DPM2: variants seen among roughly 807,000 people sequenced by gnomAD.
DPM2 encodes the protein dolichyl-phosphate mannosyltransferase subunit 2, regulatory.
Under a neutral mutation model 12.1 loss-of-function variants are expected in DPM2, and 8 were observed. The ratio of observed to expected loss-of-function variants is 0.66; its 90% CI spans 0.39 to 1.19. DPM2 has a LOEUF of 1.19. Among genes scored for constraint, DPM2 ranks in the 50% most tolerant of loss-of-function variants. The pLI is 0.01. For synonymous variants in DPM2, 38 were observed against 44.7 expected, an observed-to-expected ratio of 0.85 and a Z score of 0.60; for missense variants, 93 against 102.5, an observed-to-expected ratio of 0.91 and a Z score of 0.40.
At position 127,935,335 on chromosome 9, in the gene DPM2, C is replaced by T; in HGVS notation, c.*387G>A. The T allele has an allele frequency of 3.4e-6, 1 of 298,354 alleles. No individual in the cohort carries two copies. The highest frequency in any genetic ancestry group is 6.5e-6 in the Non-Finnish European group (1 of 153,168). 18.5% of individuals were successfully genotyped at this position (298,354 alleles called of 1,614,324 possible). On this transcript the variant is annotated 3_prime_UTR_variant, in exon 4 of 4. Coordinates refer to ENST00000314392, the MANE Select transcript of DPM2 (RefSeq NM_003863.4). ...GCTGCCTTGGTGGAGGAAGAGAAGTCAGAGAGGTCACACATGTGGCCTTAG... is the reference window on the plus strand; with the variant it reads ...GCTGCCTTGGTGGAGGAAGAGAAGTTAGAGAGGTCACACATGTGGCCTTAG...
At position 127,935,506 on chromosome 9, in the gene DPM2, A is replaced by G; in HGVS notation, c.*216T>C. The G allele has an allele frequency of 1.7e-6, 1 of 601,790 alleles. No individual in the cohort carries two copies. Among genetic ancestry groups the G allele is most frequent in the East Asian group, 2.8e-5 (1 of 35,820 alleles). 37.3% of individuals were successfully genotyped at this position (601,790 alleles called of 1,614,324 possible). A position where few individuals can be genotyped will look rare whatever the true frequency, so the allele number is the denominator to read the frequency against. ...CCCTGAGCAAGAAGGAGGTGACCGG[A>G]GTCTTCCAGGTATCCCTCCCTCCTA... On this transcript the variant is annotated 3_prime_UTR_variant, in exon 4 of 4. Transcript: ENST00000314392.
At position 127,937,461 on chromosome 9, in the gene DPM2, G is replaced by T. The variant is rs532790675; in HGVS notation, c.66C>A (p.Thr22=). The T allele has an allele frequency of 8.8e-5, 142 of 1,613,856 alleles. 2 individuals carry two copies. In the South Asian group the frequency reaches 1.5e-3, roughly 17 times the overall value. ...AGAGAATCACCCAGGCGGTGTAGTAGGTGAAGATGATCAGGCTAACGGCGA... is the reference window on the plus strand; with the variant it reads ...AGAGAATCACCCAGGCGGTGTAGTATGTGAAGATGATCAGGCTAACGGCGA... ...GLVAVSLIIF[T]YYTAWVILLP... is the part of the protein sequence containing the mutation. The change falls in exon 2 of 4, where the codon ACC becomes ACA. Residue 22 remains threonine, a synonymous_variant. Coordinates refer to ENST00000314392, the MANE Select transcript of DPM2 (RefSeq NM_003863.4).
chr9:127,937,483 G>A lies in DPM2; in HGVS notation c.44C>T (p.Ala15Val). ...GTAGGTGAAGATGATCAGGCTAACG[G>A]CGACGAGGCCGAGTCCCACCACCTG... The part of the protein sequence containing the change: ...TDQVVGLGLV[A>V]VSLIIFTYYT... The change falls in exon 2 of 4, where the codon GCC becomes GTC. Residue 15 changes from alanine to valine, a missense_variant. Ala to Val is a moderately conservative substitution (Grantham distance 64). Coordinates refer to ENST00000314392, the MANE Select transcript of DPM2 (RefSeq NM_003863.4). 1 of 1,614,068 alleles carries A rather than the reference G, an allele frequency of 6.2e-7. No individual in the cohort carries two copies.
At chr9:127,936,452 G>T in intron 3 of DPM2, 101 bp downstream of exon 3, 1 of 1,610,484 alleles carries the variant, frequency 6.2e-7, no homozygotes, top group African/African-American at 1.3e-5. Context: ...GGTGAGTTCG[G>T]GGCAAGCAGC....
chr9:127,937,648 G>T, intron 1 of DPM2, 125 bp from the exon 2 acceptor site: 1 of 1,202,032 alleles, frequency 8.3e-7, no homozygotes, highest in East Asian at 2.4e-5. Flanking sequence ...GGGCTGACTA[G>T]GGATCAGTTT....
chr9:127,937,826 C>G lies in DPM2; in HGVS notation c.-6G>C, dbSNP rs775355549. The G allele has an allele frequency of 3.7e-6, 6 of 1,602,844 alleles. No homozygotes were observed. In the South Asian group the frequency reaches 6.7e-5, roughly 18 times the overall value. ...CACGGTGCCAATCTCACCATTTCCC[C>G]GCGCGCTCAGCCACCCGAGCCGCAA... On this transcript the variant is annotated 5_prime_UTR_variant, in exon 1 of 4. Transcript: ENST00000314392.
Position 127,935,287 on chromosome 9 carries a change from G to A in DPM2, c.*435C>T. 7.6e-6 allele frequency: 2 copies of A among 263,668 alleles called. No homozygotes were observed. The highest frequency in any genetic ancestry group is 7.5e-5 in the South Asian group (2 of 26,608). The allele number at this position is 263,668 out of a possible 1,614,324, so 16.3% of individuals were successfully genotyped here. A position where few individuals can be genotyped will look rare whatever the true frequency, so the allele number is the denominator to read the frequency against. ...AGGTCCAGAAGGCTTTGTGGGGTCTGGGGCTGTGTCAGGGTAAGGAAAGCT... is the reference window on the plus strand; with the variant it reads ...AGGTCCAGAAGGCTTTGTGGGGTCTAGGGCTGTGTCAGGGTAAGGAAAGCT... On this transcript the variant is annotated 3_prime_UTR_variant, in exon 4 of 4. Coordinates refer to ENST00000314392, the MANE Select transcript of DPM2 (RefSeq NM_003863.4).
chr9:127,936,801 T>C (rs961043605), intron 2 of DPM2, 146 bp from the exon 3 acceptor site: 6 of 649,924 alleles, frequency 9.2e-6, no homozygotes, highest in Admixed American at 4.0e-5. Flanking sequence ...GGCATTTGGG[T>C]GTCGTGGTTT....
chr9:127,936,046 G>A (rs1270469288), intron 3 of DPM2: 2 of 590,046 alleles, frequency 3.4e-6, no homozygotes, highest in Admixed American at 3.1e-5. Context: ...CCCATCTATC[G>A]ATCACCCGGT....
At position 127,935,657 on chromosome 9, in the gene DPM2, C is replaced by T; in HGVS notation, c.*65G>A. On this transcript the variant is annotated 3_prime_UTR_variant, in exon 4 of 4. Coordinates refer to ENST00000314392, the MANE Select transcript of DPM2 (RefSeq NM_003863.4). Reference sequence around the variant, plus strand: ...GCCTGGACAGGTTCTGCAGGCTCCCCCACTTGGTCCCTGTGCTGGAGGGGA... The same window carrying T: ...GCCTGGACAGGTTCTGCAGGCTCCCTCACTTGGTCCCTGTGCTGGAGGGGA... The T allele has an allele frequency of 1.9e-6, 3 of 1,565,842 alleles. No individual in the cohort carries two copies. The highest frequency in any genetic ancestry group is 2.6e-6 in the Non-Finnish European group (3 of 1,141,670).
At position 127,935,491 on chromosome 9, in the gene DPM2, G is replaced by A. The variant is rs1831489245; in HGVS notation, c.*231C>T. 1.7e-6 allele frequency: 1 copy of A among 588,468 alleles called. No individual in the cohort carries two copies. Among genetic ancestry groups the A allele is most frequent in the East Asian group, 2.8e-5 (1 of 35,354 alleles). 36.5% of individuals were successfully genotyped at this position (588,468 alleles called of 1,614,324 possible). A position where few individuals can be genotyped will look rare whatever the true frequency, so the allele number is the denominator to read the frequency against. On this transcript the variant is annotated 3_prime_UTR_variant, in exon 4 of 4. Coordinates refer to ENST00000314392, the MANE Select transcript of DPM2 (RefSeq NM_003863.4). ...CCAGCATCTTTTAGGCCCTGAGCAA[G>A]AAGGAGGTGACCGGAGTCTTCCAGG...
chr9:127,936,458 G>A, intron 3 of DPM2, 95 bp downstream of exon 3: 1 of 1,610,652 alleles, frequency 6.2e-7, no homozygotes, highest in South Asian at 1.1e-5. Context: ...TTCGGGGCAA[G>A]CAGCTTCCAG....
intron 2 of DPM2, chr9:127,937,218 A>T (rs1363779012): frequency 2.2e-6 from 1 of 455,092 alleles, no homozygotes; most frequent in Admixed American, 3.9e-5. Flanking sequence ...GTAGCGGCTA[A>T]GGATGCAATC....
chr9:127,935,560 G>A lies in DPM2; in HGVS notation c.*162C>T, dbSNP rs945031872. On this transcript the variant is annotated 3_prime_UTR_variant, in exon 4 of 4. Transcript: ENST00000314392. The stretch of plus-strand genomic sequence containing the variant: ...TCTGGAAGTGGGAGTCGGGGAGGGG[G>A]CTCCAGTCAGTCAGGTGTAAGCTCC... 4.2e-6 allele frequency: 3 copies of A among 707,920 alleles called. No individual in the cohort carries two copies. Among genetic ancestry groups the A allele is most frequent in the African/African-American group, 3.6e-5 (2 of 56,180 alleles). The allele number at this position is 707,920 out of a possible 1,614,324, so 43.9% of individuals were successfully genotyped here. A position where few individuals can be genotyped will look rare whatever the true frequency, so the allele number is the denominator to read the frequency against.
chr9:127,936,198 A>T, intron 3 of DPM2: 2 of 1,243,770 alleles, frequency 1.6e-6, no homozygotes, highest in Middle Eastern at 2.8e-4. Flanking sequence ...TCAGTGCCAC[A>T]GCCTGTTCTA....
At chr9:127,936,699 C>G (rs754932297) in intron 2 of DPM2, 44 bp from the exon 3 acceptor site, 8 of 1,430,502 alleles carry the variant, frequency 5.6e-6, no homozygotes, top group Admixed American at 2.7e-5. Context: ...CTTGCCTTGC[C>G]GAGCCCCCAA....
At chr9:127,936,097 C>A in intron 3 of DPM2, 1 of 588,104 alleles carries the variant, frequency 1.7e-6, no homozygotes, top group South Asian at 2.5e-5. Flanking sequence ...CCCACCTCCT[C>A]CTACACCTCA....
Position 127,937,846 on chromosome 9 carries a change from C to T in DPM2, c.-26G>A. On this transcript the variant is annotated 5_prime_UTR_variant, in exon 1 of 4. Coordinates refer to ENST00000314392, the MANE Select transcript of DPM2 (RefSeq NM_003863.4). ...TTCCCCGCGCGCTCAGCCACCCGAGCCGCAAGCCACATCCGGTTCCGGGTC... is the reference window on the plus strand; with the variant it reads ...TTCCCCGCGCGCTCAGCCACCCGAGTCGCAAGCCACATCCGGTTCCGGGTC... 1.3e-6 allele frequency: 2 copies of T among 1,597,242 alleles called. No individual in the cohort carries two copies. The highest frequency in any genetic ancestry group is 1.7e-6 in the Non-Finnish European group (2 of 1,172,868).
chr9:127,937,415 G>A lies in DPM2; in HGVS notation c.93+19C>T, dbSNP rs555060665. The A allele has an allele frequency of 2.0e-5, 32 of 1,601,664 alleles. No individual in the cohort carries two copies. The highest frequency in any genetic ancestry group is 2.6e-5 in the Non-Finnish European group (30 of 1,170,570). On this transcript the variant is annotated intron_variant, in intron 2 of 3. Transcript: ENST00000314392. Reference sequence around the variant, plus strand: ...CAGGGCTCGGGGAAGGTGAGCAGCGGACGGGGAGAATGACATACCAAGAGA... The same window carrying A: ...CAGGGCTCGGGGAAGGTGAGCAGCGAACGGGGAGAATGACATACCAAGAGA...
Sources: allele counts gnomAD v4.1 joint callset, GRCh38; gene constraint gnomAD v4.1.1; transcripts MANE v1.5; gene names NCBI Gene and HGNC (gene_info 2026-07-23, HGNC 2026-07-21).